The following AP2B1 variants were observed in gnomAD, a reference collection of about 807,000 sequenced individuals.
The protein encoded by AP2B1 is AP-2 complex subunit beta.
In AP2B1, 23 loss-of-function variants were observed where a neutral mutation model predicts 102.0. The observed-to-expected ratio is 0.23, with a 90% CI of 0.16 to 0.32. AP2B1 has a LOEUF of 0.32. Among genes scored for constraint, AP2B1 ranks in the 10% least tolerant of loss-of-function variants. The pLI is 1.00. For synonymous variants in AP2B1, 381 were observed against 421.2 expected, an observed-to-expected ratio of 0.90 and a Z score of 1.17; for missense variants, 541 against 1,157.4, an observed-to-expected ratio of 0.47 and a Z score of 7.73.
intron 1 of AP2B1, among the ~76,000 whole-genome samples, chr17:35,592,151 T>C (rs2073121227): frequency 6.6e-6 from 1 of 152,112 alleles, no homozygotes; most frequent in Non-Finnish European, 1.5e-5. Context: ...TTACATTGAT[T>C]TGTTTGGTGC....
Position 35,616,155 on chromosome 17 carries a change from T to C in AP2B1, c.525+7768T>C, listed in dbSNP as rs1453942679. On this transcript the variant is annotated intron_variant, in intron 5 of 21. Coordinates refer to ENST00000610402, the MANE Select transcript of AP2B1 (RefSeq NM_001030006.2). ...TAAAAAATATCTCTTTTTTTTTTTT[T>C]TTTTTTTTTTTTTTTTTTTTTTTTT... 5.6e-3 allele frequency among the ~76,000 whole-genome samples: 315 copies of C among 56,230 alleles called. 4 individuals carry two copies. Among genetic ancestry groups the C allele is most frequent in the African/African-American group, 0.026 (298 of 11,652 alleles). The allele number at this position is 56,230 out of a possible 152,430, so 36.9% of individuals were successfully genotyped here. A position where few individuals can be genotyped will look rare whatever the true frequency, so the allele number is the denominator to read the frequency against.
intron 20 of AP2B1, among the ~76,000 whole-genome samples, chr17:35,714,977 A>G (rs1555589183): frequency 6.6e-6 from 1 of 152,224 alleles, no homozygotes; most frequent in African/African-American, 2.4e-5. Context: ...CAAGAATTCT[A>G]TCCCAGTCAG....
intron 18 of AP2B1, among the ~76,000 whole-genome samples, chr17:35,683,412 T>G (rs1423266697): frequency 2.6e-5 from 4 of 152,232 alleles, no homozygotes; most frequent in Admixed American, 6.5e-5. Flanking sequence ...TAGCAAAATT[T>G]GAATGTCATT....
At chr17:35,593,110 A>G (rs1005453899) in intron 1 of AP2B1, among the ~76,000 whole-genome samples, 2 of 152,158 alleles carry the variant, frequency 1.3e-5, no homozygotes, top group East Asian at 3.8e-4. Flanking sequence ...GTTTTTAACT[A>G]TAAACTGGCA....
intron 9 of AP2B1, 35 bp from the exon 10 acceptor site, chr17:35,636,306 A>G (rs1195895719): frequency 1.3e-6 from 2 of 1,503,564 alleles, no homozygotes; most frequent in Non-Finnish European, 9.2e-7. Context: ...CGCATAGATC[A>G]TCTGACTTCT....
chr17:35,651,836 C>G (rs985175104), intron 13 of AP2B1, among the ~76,000 whole-genome samples: 3 of 152,120 alleles, frequency 2.0e-5, no homozygotes, highest in Non-Finnish European at 4.4e-5. Flanking sequence ...AAGGATTAGT[C>G]TTTATAGTAA....
At chr17:35,636,902 T>C (rs546756358) in intron 10 of AP2B1, among the ~76,000 whole-genome samples, 15 of 152,346 alleles carry the variant, frequency 9.8e-5, no homozygotes, top group African/African-American at 3.1e-4. Context: ...ACAGCTGTGC[T>C]ATTTACTTTG....
At chr17:35,682,132 C>G (rs1043859158) in intron 17 of AP2B1, among the ~76,000 whole-genome samples, 1 of 151,820 alleles carries the variant, frequency 6.6e-6, no homozygotes, top group African/African-American at 2.4e-5. Context: ...GTGCATGCCT[C>G]TAGTCCCAGC....
chr17:35,651,629 G>A (rs1228005706), intron 13 of AP2B1, among the ~76,000 whole-genome samples: 1 of 151,944 alleles, frequency 6.6e-6, no homozygotes, highest in Non-Finnish European at 1.5e-5. Flanking sequence ...TTTGTGAATG[G>A]CCAAAGTATA....
chr17:35,607,774 CTTTT>C (rs35128360), intron 4 of AP2B1: 16 of 123,542 alleles, frequency 1.3e-4, no homozygotes, highest in South Asian at 2.6e-4. Context: ...TACAGCTCCT[CTTTT>C]TTTTTTTTTT....
chr17:35,719,347 G>C (rs1471065965), intron 21 of AP2B1, among the ~76,000 whole-genome samples: 1 of 150,930 alleles, frequency 6.6e-6, no homozygotes, highest in Non-Finnish European at 1.5e-5. Flanking sequence ...ACACAGACTT[G>C]TTCTGTCACC....
intron 18 of AP2B1, among the ~76,000 whole-genome samples, chr17:35,690,388 G>A (rs777227910): frequency 1.3e-5 from 2 of 152,164 alleles, no homozygotes; most frequent in Non-Finnish European, 2.9e-5. Flanking sequence ...AAGCCTTGTG[G>A]GGAGCTAAAT....
chr17:35,702,086 A>G (rs1483767178), intron 18 of AP2B1, among the ~76,000 whole-genome samples: 2 of 152,242 alleles, frequency 1.3e-5, no homozygotes, highest in Non-Finnish European at 1.5e-5. Context: ...TCTTTCCCTC[A>G]TGGAATTTAT....
intron 1 of AP2B1, among the ~76,000 whole-genome samples, chr17:35,593,481 T>G (rs941273788): frequency 1.3e-5 from 2 of 152,150 alleles, no homozygotes; most frequent in Admixed American, 1.3e-4. Context: ...CATGGTTGCC[T>G]CTCTAGATGT....
chr17:35,626,194 G>A (rs73283322), intron 6 of AP2B1, among the ~76,000 whole-genome samples: 10 of 152,254 alleles, frequency 6.6e-5, no homozygotes, highest in African/African-American at 1.9e-4. Context: ...CCACAACTGC[G>A]TTTGCTGTCT....
intron 3 of AP2B1, among the ~76,000 whole-genome samples, 198 bp downstream of exon 3, chr17:35,598,533 G>A (rs1442566890): frequency 2.0e-5 from 3 of 152,226 alleles, no homozygotes; most frequent in Non-Finnish European, 2.9e-5. Flanking sequence ...TATGGGGTGT[G>A]TGTGTGTTTG....
At chr17:35,674,806 A>G (rs1429786818) in intron 17 of AP2B1, among the ~76,000 whole-genome samples, 3 of 152,256 alleles carry the variant, frequency 2.0e-5, no homozygotes, top group Non-Finnish European at 2.9e-5. Flanking sequence ...TGGAGGCACT[A>G]GGGAGTTTGT....
At chr17:35,603,012 C>T (rs1428835172) in intron 3 of AP2B1, among the ~76,000 whole-genome samples, 4 of 152,032 alleles carry the variant, frequency 2.6e-5, no homozygotes, top group Non-Finnish European at 4.4e-5. Flanking sequence ...ATGAAACTAC[C>T]GTAGGTACCA....
intron 11 of AP2B1, among the ~76,000 whole-genome samples, chr17:35,641,468 C>A (rs1273511419): frequency 6.6e-6 from 1 of 152,022 alleles, no homozygotes; most frequent in African/African-American, 2.4e-5. Context: ...GTCCCAGCTA[C>A]TTGGGAAGCT....
Sources: allele counts gnomAD v4.1 joint callset (sites outside exome capture counted in the v4.1 genomes callset), GRCh38; gene constraint gnomAD v4.1.1; transcripts MANE v1.5; gene names NCBI Gene and HGNC (gene_info 2026-07-23, HGNC 2026-07-21).